Variants in CFAP221 observed in about 807,000 individuals in gnomAD.
The protein encoded by CFAP221 is cilia and flagella associated protein 221, also known as cilia- and flagella-associated protein 221.
A neutral mutation model predicts 113.1 loss-of-function variants in CFAP221; 97 were observed. The observed-to-expected ratio is 0.86, with a 90% CI of 0.73 to 1.02. The LOEUF is 1.02. CFAP221 is among the 50% of genes least tolerant of loss of function. The pLI is 0.00. For missense variants in CFAP221, 1,025 were observed against 1,013.4 expected, an observed-to-expected ratio of 1.01 and a Z score of -0.16; for synonymous variants, 331 against 354.4, an observed-to-expected ratio of 0.93 and a Z score of 0.74.
chr2:119,563,815 A>G (rs1246663185), intron 6 of CFAP221, among the ~76,000 whole-genome samples: 4 of 152,210 alleles, frequency 2.6e-5, no homozygotes, highest in Non-Finnish European at 5.9e-5. Context: ...AACAACTCAT[A>G]CAGGAGGTGA....
chr2:119,598,240 A>G (rs978686298), intron 7 of CFAP221, among the ~76,000 whole-genome samples: 1 of 152,350 alleles, frequency 6.6e-6, no homozygotes, highest in African/African-American at 2.4e-5. Context: ...CCTGGGCCTC[A>G]CTGCCATAAC....
chr2:119,650,635 G>A (rs1018672863), intron 22 of CFAP221, among the ~76,000 whole-genome samples: 6 of 152,220 alleles, frequency 3.9e-5, no homozygotes, highest in African/African-American at 1.4e-4. Flanking sequence ...AGCATTAAAT[G>A]TGTGCCAGGG....
intron 7 of CFAP221, among the ~76,000 whole-genome samples, chr2:119,597,838 T>C (rs1191088268): frequency 6.6e-6 from 1 of 152,160 alleles, no homozygotes; most frequent in East Asian, 1.9e-4. Flanking sequence ...AAACTTAGAC[T>C]CCTATGCTTT....
At chr2:119,637,004 A>G (rs892483008) in intron 19 of CFAP221, among the ~76,000 whole-genome samples, 2 of 152,118 alleles carry the variant, frequency 1.3e-5, no homozygotes, top group African/African-American at 2.4e-5. Context: ...AAGCCCACAC[A>G]GGTCATTTCC....
At chr2:119,578,925 A>C (rs1310389842) in intron 6 of CFAP221, among the ~76,000 whole-genome samples, 2 of 152,192 alleles carry the variant, frequency 1.3e-5, no homozygotes, top group Non-Finnish European at 2.9e-5. Context: ...GAGAAAGGAC[A>C]AGAAAGAAAT....
At position 119,629,553 on chromosome 2, in the gene CFAP221, G is replaced by T. The variant is rs1345768545; in HGVS notation, c.1651-322G>T. 2.0e-5 allele frequency among the ~76,000 whole-genome samples: 3 copies of T among 152,242 alleles called. No individual in the cohort carries two copies. The East Asian group carries it at 5.8e-4, about 29-fold the overall frequency. ...AAGAGGGCTCCCCTGCCCCCAAGAG[G>T]TGTTTCTATCCCTACACTCCTGGCA... On this transcript the variant is annotated intron_variant, in intron 16 of 23. Transcript: ENST00000413369.
chr2:119,573,725 T>C (rs1682233004), intron 6 of CFAP221, among the ~76,000 whole-genome samples: 3 of 152,214 alleles, frequency 2.0e-5, no homozygotes, highest in African/African-American at 7.2e-5. Context: ...AAAGCCTAAA[T>C]GTTTATTATA....
At chr2:119,626,926 T>C (rs1686347684) in intron 15 of CFAP221, among the ~76,000 whole-genome samples, 1 of 139,368 alleles carries the variant, frequency 7.2e-6, no homozygotes, top group Admixed American at 7.4e-5. Context: ...CAAGACCCTG[T>C]CTCTGAAAAA....
At chr2:119,657,903 A>G (rs562103346), downstream of CFAP221, among the ~76,000 whole-genome samples, 5 of 152,316 alleles carry the variant, frequency 3.3e-5, no homozygotes, top group East Asian at 7.7e-4. Flanking sequence ...GCATCTTATC[A>G]AGGGGCTTGT....
At chr2:119,585,233 A>G (rs1558935465) in intron 6 of CFAP221, among the ~76,000 whole-genome samples, 2 of 152,236 alleles carry the variant, frequency 1.3e-5, no homozygotes, top group Admixed American at 6.5e-5. Context: ...TATACATACC[A>G]CATATTTTTA....
downstream of CFAP221, chr2:119,660,302 A>G (rs1224553385): frequency 6.6e-6 from 1 of 152,216 alleles, no homozygotes; most frequent in Non-Finnish European, 1.5e-5. Context: ...TCGACTTCCA[A>G]ATAATATTTA....
At chr2:119,587,828 G>A (rs1420568735) in intron 7 of CFAP221, among the ~76,000 whole-genome samples, 1 of 152,152 alleles carries the variant, frequency 6.6e-6, no homozygotes, top group Non-Finnish European at 1.5e-5. Context: ...ATGGTTTTAA[G>A]TCCGGGTATT....
At chr2:119,552,802 TAGAAATATTTCTTTAATAAGAAATAAAG>T (rs199743688) in intron 3 of CFAP221, among the ~76,000 whole-genome samples, 5 of 93,896 alleles carry the variant, frequency 5.3e-5, no homozygotes, top group East Asian at 4.7e-4. Flanking sequence ...AAGAAATAAA[TAGAAATATTTCTTTAATAAGAAATAAAG>T]AGAAATATTT....
At chr2:119,653,151 C>T (rs1248565309) in intron 23 of CFAP221, among the ~76,000 whole-genome samples, 3 of 151,800 alleles carry the variant, frequency 2.0e-5, no homozygotes, top group South Asian at 2.1e-4. Flanking sequence ...GAGGCTGGGG[C>T]GGGTGGATCA....
Position 119,625,650 on chromosome 2 carries a change from T to C in CFAP221, c.1478T>C (p.Leu493Pro). The change falls in exon 15 of 24, where the codon CTG becomes CCG. Residue 493 changes from leucine (L) to proline (P), a missense_variant. Leu to Pro is a moderately conservative substitution (Grantham distance 98). Coordinates refer to ENST00000413369, the MANE Select transcript of CFAP221 (RefSeq NM_001271049.2). The stretch of plus-strand genomic sequence containing the variant: ...CGTGAAATGGACAAAGAGAGTATAC[T>C]GAGAAAGATTGGCCAAGCAAAACAA... ...AVREMDKESI[L>P]RKIGQAKQSI... The C allele has an allele frequency of 6.2e-7, 1 of 1,613,710 alleles. No individual in the cohort carries two copies.
chr2:119,565,826 CAG>C (rs1336528652), intron 6 of CFAP221, among the ~76,000 whole-genome samples: 2 of 152,184 alleles, frequency 1.3e-5, no homozygotes, highest in Non-Finnish European at 2.9e-5. Flanking sequence ...GGTAACAGGA[CAG>C]GGGGTGACTA....
At chr2:119,623,550 G>A (rs180671137) in intron 14 of CFAP221, among the ~76,000 whole-genome samples, 1 of 152,176 alleles carries the variant, frequency 6.6e-6, no homozygotes, top group East Asian at 1.9e-4. Flanking sequence ...AAAAGAGCCA[G>A]TATCGCCAAG....
At chr2:119,592,233 T>G (rs1683647600) in intron 7 of CFAP221, among the ~76,000 whole-genome samples, 3 of 152,196 alleles carry the variant, frequency 2.0e-5, no homozygotes, top group African/African-American at 7.2e-5. Context: ...TGTTACTTGA[T>G]ATTGACTGAA....
At chr2:119,581,466 C>T (rs1682838345) in intron 6 of CFAP221, among the ~76,000 whole-genome samples, 1 of 152,036 alleles carries the variant, frequency 6.6e-6, no homozygotes, top group Non-Finnish European at 1.5e-5. Context: ...CTATACTGGA[C>T]ACAATTGAAG....
Sources: allele counts gnomAD v4.1 joint callset (sites outside exome capture counted in the v4.1 genomes callset), GRCh38; gene constraint gnomAD v4.1.1; transcripts MANE v1.5; gene names NCBI Gene and HGNC (gene_info 2026-07-23, HGNC 2026-07-21).